RORA: variants seen among roughly 807,000 people sequenced by gnomAD.
The protein encoded by RORA is RAR related orphan receptor A.
RORA carries 7 observed loss-of-function variants against 69.5 expected under a neutral mutation model. That is an observed-to-expected ratio of 0.10 (90% confidence interval 0.06 to 0.19). The LOEUF (loss-of-function observed/expected upper bound fraction) is 0.19. Ranked by LOEUF, RORA falls within the 10% of genes least tolerant of loss-of-function variation. The probability of loss-of-function intolerance (pLI) is 1.00; values close to 1 mark genes in which losing one functional copy is unlikely to be tolerated. For missense variants in RORA, 457 were observed against 663.0 expected (o/e 0.69, Z 3.41); for synonymous variants, 261 against 240.8 (o/e 1.08, Z -0.78).
At chr15:60,888,873 G>C (rs2073780500) in intron 1 of RORA, among the ~76,000 whole-genome samples, 1 of 151,302 alleles carries the variant, frequency 6.6e-6, no homozygotes, top group African/African-American at 2.4e-5. Flanking sequence ...GATCTGACCA[G>C]GGGATGGGCA....
chr15:60,818,559 G>C (rs971818467), intron 1 of RORA, among the ~76,000 whole-genome samples: 1 of 152,196 alleles, frequency 6.6e-6, no homozygotes, highest in Admixed American at 6.5e-5. Context: ...CCAGGATGAA[G>C]TGTTCTTCCT....
intron 1 of RORA, among the ~76,000 whole-genome samples, chr15:60,985,300 A>T (rs1200981942): frequency 6.6e-6 from 1 of 152,166 alleles, no homozygotes; most frequent in East Asian, 1.9e-4. Context: ...TAGTATGGTT[A>T]TTAGTATCTT....
intron 2 of RORA, among the ~76,000 whole-genome samples, chr15:60,639,170 C>T (rs1217247552): frequency 6.7e-6 from 1 of 150,284 alleles, no homozygotes; most frequent in Non-Finnish European, 1.5e-5. Flanking sequence ...CTCCCCGTTT[C>T]AATCAGGCAA....
intron 1 of RORA, among the ~76,000 whole-genome samples, chr15:61,177,741 T>C (rs2079643081): frequency 6.6e-6 from 1 of 152,044 alleles, no homozygotes; most frequent in South Asian, 2.1e-4. Flanking sequence ...CAGGCAGATC[T>C]CTTGAGGTCA....
intron 1 of RORA, among the ~76,000 whole-genome samples, chr15:61,067,721 A>C (rs1474852237): frequency 6.6e-6 from 1 of 152,234 alleles, no homozygotes; most frequent in Non-Finnish European, 1.5e-5. Context: ...GTCACCCTCA[A>C]AATATATACA....
At chr15:61,037,765 T>C (rs1555404368) in intron 1 of RORA, among the ~76,000 whole-genome samples, 1 of 152,088 alleles carries the variant, frequency 6.6e-6, no homozygotes, top group Non-Finnish European at 1.5e-5. Context: ...TACAAGTAAT[T>C]GTAAGGCAAG....
chr15:61,227,954 C>T (rs758812682), intron 1 of RORA, among the ~76,000 whole-genome samples: 3 of 152,164 alleles, frequency 2.0e-5, no homozygotes, highest in Non-Finnish European at 4.4e-5. Context: ...GGTTCCAATA[C>T]CTTCAAGAAA....
intron 1 of RORA, among the ~76,000 whole-genome samples, chr15:61,042,834 A>G (rs1484574243): frequency 6.6e-6 from 1 of 152,174 alleles, no homozygotes. Context: ...AAGTTTCTTC[A>G]TGGGCCATTT....
At chr15:60,727,557 T>C (rs2071376267) in intron 1 of RORA, among the ~76,000 whole-genome samples, 1 of 151,942 alleles carries the variant, frequency 6.6e-6, no homozygotes, top group African/African-American at 2.4e-5. Context: ...TAAGCACAGA[T>C]CAGAACAAGG....
intron 1 of RORA, among the ~76,000 whole-genome samples, chr15:60,778,238 T>A (rs2072202981): frequency 6.6e-6 from 1 of 152,132 alleles, no homozygotes; most frequent in Non-Finnish European, 1.5e-5. Context: ...TTTGTTTGTT[T>A]GTTTGTTTGT....
At chr15:60,898,532 TAA>T (rs1198582466) in intron 1 of RORA, among the ~76,000 whole-genome samples, 1 of 143,654 alleles carries the variant, frequency 7.0e-6, no homozygotes, top group Non-Finnish European at 1.5e-5. Flanking sequence ...AATAAATAAA[TAA>T]ATAAATAAAT....
intron 1 of RORA, among the ~76,000 whole-genome samples, chr15:61,143,364 G>A (rs563478578): frequency 3.3e-5 from 5 of 152,130 alleles, no homozygotes; most frequent in Non-Finnish European, 7.4e-5. Flanking sequence ...AAGACTCATT[G>A]TAAAGATGTA....
At chr15:61,095,393 GGAAA>G (rs1364726853) in intron 1 of RORA, among the ~76,000 whole-genome samples, 1 of 152,084 alleles carries the variant, frequency 6.6e-6, no homozygotes, top group Non-Finnish European at 1.5e-5. Context: ...CTTATTTCCT[GGAAA>G]GAAAGAGCTT....
chr15:60,939,038 G>A (rs892355639), intron 1 of RORA, among the ~76,000 whole-genome samples: 3 of 152,188 alleles, frequency 2.0e-5, no homozygotes, highest in East Asian at 1.9e-4. Flanking sequence ...GCCATTGCTC[G>A]TTGGTCCATT....
intron 1 of RORA, among the ~76,000 whole-genome samples, chr15:60,798,952 A>T (rs905905364): frequency 2.9e-4 from 43 of 147,188 alleles, no homozygotes; most frequent in African/African-American, 1.1e-3. Flanking sequence ...TTTTTTTTTT[A>T]AACTCAAGGA....
chr15:60,719,098 G>GGTTATGATTCAATGTTTTTCTTCCTTA (rs1555448340), intron 1 of RORA, among the ~76,000 whole-genome samples: 1 of 150,330 alleles, frequency 6.7e-6, no homozygotes, highest in Non-Finnish European at 1.5e-5. Flanking sequence ...GATGAAAACT[G>GGTTATGATTCAATGTTTTTCTTCCTTA]TTTGGGTCTT....
Position 60,693,468 on chromosome 15 carries a change from A to G in RORA, c.167-14782T>C, listed in dbSNP as rs554925208. Among the ~76,000 whole-genome samples the G allele has an allele frequency of 4.6e-5, 7 of 152,334 alleles. No homozygotes were observed. In the South Asian group the frequency reaches 1.0e-3, roughly 23 times the overall value. ...TGGCCAAGGCAGTCAGGCAAGAGAA[A>G]GAAAGAAATATTCTTTCAAATAGGA... is the stretch of plus-strand genomic sequence containing the variant. On this transcript the variant is annotated intron_variant, in intron 1 of 10. Coordinates refer to ENST00000335670, the MANE Select transcript of RORA (RefSeq NM_134261.3).
At chr15:60,802,407 C>A (rs1465410975) in intron 1 of RORA, among the ~76,000 whole-genome samples, 2 of 152,124 alleles carry the variant, frequency 1.3e-5, no homozygotes, top group Non-Finnish European at 2.9e-5. Context: ...TAAAGAGGCT[C>A]ATTTCATTTG....
chr15:60,542,551 TGCACACCTCAC>T (rs1239838823), intron 2 of RORA, among the ~76,000 whole-genome samples: 4 of 86,268 alleles, frequency 4.6e-5, no homozygotes, highest in African/African-American at 3.1e-4. Flanking sequence ...ATGGCACACA[TGCACACCTCAC>T]ACACACGGCA....
Sources: gnomAD v4.1 joint callset for allele counts (sites outside exome capture counted in the v4.1 genomes callset) on GRCh38, gnomAD v4.1.1 for gene constraint, MANE v1.5 for transcripts, NCBI Gene and HGNC (gene_info 2026-07-23, HGNC 2026-07-21) for gene names.